OCA2: variants seen among roughly 807,000 people sequenced by gnomAD.
OCA2 encodes the protein OCA2 melanosomal transmembrane protein, also known as P protein.
Under a neutral mutation model 100.2 loss-of-function variants are expected in OCA2, and 77 were observed. The ratio of observed to expected loss-of-function variants is 0.77; its 90% confidence interval spans 0.64 to 0.93. The LOEUF (loss-of-function observed/expected upper bound fraction) is 0.93, where lower values mean the gene tolerates loss of function less well. OCA2 is among the 40% of genes least tolerant of loss of function. The pLI, the probability that OCA2 is intolerant of heterozygous loss-of-function variation, is 0.00. For missense variants in OCA2, 1,062 were observed against 1,089.1 expected, an observed-to-expected ratio of 0.98 and a Z score of 0.35; for synonymous variants, 432 against 439.2, an observed-to-expected ratio of 0.98 and a Z score of 0.21.
chr15:27,844,083 C>A (rs2035442578), intron 23 of OCA2, among the ~76,000 whole-genome samples: 1 of 152,194 alleles, frequency 6.6e-6, no homozygotes, highest in South Asian at 2.1e-4. Context: ...ATTCTGCCCC[C>A]TCACCTGTTT....
At chr15:27,890,606 G>A (rs2037414789) in intron 19 of OCA2, among the ~76,000 whole-genome samples, 1 of 152,144 alleles carries the variant, frequency 6.6e-6, no homozygotes, top group Non-Finnish European at 1.5e-5. Flanking sequence ...TCTATATCCA[G>A]TGAAACTATC....
chr15:27,747,691 C>T, the OCA2 span, among the ~76,000 whole-genome samples: 1 of 152,120 alleles, frequency 6.6e-6, no homozygotes, highest in South Asian at 2.1e-4. Context: ...TAACTCTCTC[C>T]AATTTGAAAT....
intron 19 of OCA2, among the ~76,000 whole-genome samples, chr15:27,905,163 C>A (rs376428243): frequency 3.1e-3 from 360 of 114,476 alleles, no homozygotes; most frequent in East Asian, 4.5e-3. Flanking sequence ...GACTCCACCT[C>A]AAAAAAAAAA....
chr15:27,748,822 TATG>T, the OCA2 span, among the ~76,000 whole-genome samples: 1 of 151,820 alleles, frequency 6.6e-6, no homozygotes, highest in Non-Finnish European at 1.5e-5. Context: ...CACTGAAAAA[TATG>T]ATAATGATAA....
At chr15:28,048,172 G>A (rs2043399421) in intron 2 of OCA2, among the ~76,000 whole-genome samples, 1 of 152,264 alleles carries the variant, frequency 6.6e-6, no homozygotes, top group South Asian at 2.1e-4. Context: ...AAGACTTAAT[G>A]TCATTAATAT....
chr15:27,726,170 C>T, the OCA2 span, among the ~76,000 whole-genome samples: 23 of 151,896 alleles, frequency 1.5e-4, no homozygotes, highest in South Asian at 1.5e-3. Context: ...TGGTGGCACA[C>T]GCCTGTAGTC....
At chr15:28,004,986 C>T (rs1421096183) in intron 9 of OCA2, among the ~76,000 whole-genome samples, 1 of 152,142 alleles carries the variant, frequency 6.6e-6, no homozygotes, top group African/African-American at 2.4e-5. Flanking sequence ...CAGATTTCTT[C>T]CTGTATATCA....
intron 19 of OCA2, among the ~76,000 whole-genome samples, chr15:27,887,644 CCAGTCTAGGGTATGTCTTTATCAG>C (rs1385035835): frequency 6.8e-6 from 1 of 146,024 alleles, no homozygotes; most frequent in East Asian, 2.1e-4. Context: ...TGTAAATTGC[CCAGTCTAGGGTATGTCTTTATCAG>C]CAGCATGAAA....
chr15:28,006,720 G>C (rs894850043), intron 9 of OCA2, among the ~76,000 whole-genome samples: 4 of 152,226 alleles, frequency 2.6e-5, no homozygotes, highest in Non-Finnish European at 5.9e-5. Flanking sequence ...TATGTTCCAT[G>C]AATCAGCAGT....
intron 22 of OCA2, among the ~76,000 whole-genome samples, chr15:27,850,545 A>T (rs1018197567): frequency 5.3e-5 from 8 of 152,116 alleles, no homozygotes; most frequent in African/African-American, 1.9e-4. Flanking sequence ...TCTCGGAAGA[A>T]CTTGAGGCAT....
chr15:27,818,357 C>CAGAGT (rs2034384123), intron 23 of OCA2, among the ~76,000 whole-genome samples: 2 of 152,036 alleles, frequency 1.3e-5, no homozygotes, highest in African/African-American at 4.8e-5. Context: ...CCACCGCACT[C>CAGAGT]CAGCCTGGGT....
At chr15:28,052,932 G>A (rs186870422) in intron 2 of OCA2, among the ~76,000 whole-genome samples, 98 of 152,270 alleles carry the variant, frequency 6.4e-4, no homozygotes, top group Non-Finnish European at 8.7e-4. Flanking sequence ...ATAACGCAAG[G>A]TGAAGACCGT....
intron 19 of OCA2, among the ~76,000 whole-genome samples, chr15:27,884,125 T>G (rs552702142): frequency 2.0e-5 from 3 of 152,218 alleles, no homozygotes; most frequent in Non-Finnish European, 4.4e-5. Flanking sequence ...CTCACACTTG[T>G]AATCCCAGCA....
In OCA2 at chr15:28,081,802, G is replaced by A. The variant is rs1426141034; in HGVS notation, c.73C>T (p.Pro25Ser). The change falls in exon 2 of 24, where the codon CCC becomes TCC. Residue 25 changes from proline (P) to serine (S), a missense_variant. Physicochemically the swap from Pro to Ser is moderately conservative, Grantham distance 74. Transcript: ENST00000354638. ...PAVELLQTSVPSGLAELVAGK... is the reference protein window; with the variant it reads ...PAVELLQTSVSSGLAELVAGK... Reference sequence around the variant, plus strand: ...GCCACAAGTTCAGCGAGTCCGCTGGGCACGGACGTCTGCAGGAGCTCCACC... The same window carrying A: ...GCCACAAGTTCAGCGAGTCCGCTGGACACGGACGTCTGCAGGAGCTCCACC... The A allele has an allele frequency of 3.1e-6, 5 of 1,612,646 alleles. No individual in the cohort carries two copies. Among genetic ancestry groups the A allele is most frequent in the Non-Finnish European group, 4.2e-6 (5 of 1,179,826 alleles).
intron 9 of OCA2, among the ~76,000 whole-genome samples, chr15:28,010,390 C>T (rs569942085): frequency 3.0e-4 from 45 of 152,244 alleles, no homozygotes; most frequent in Non-Finnish European, 5.9e-4. Context: ...AAATTAAAGA[C>T]ATACAGATTG....
intron 18 of OCA2, among the ~76,000 whole-genome samples, chr15:27,933,632 A>ACTTAACCCCTTT: frequency 6.6e-6 from 1 of 152,166 alleles, no homozygotes; most frequent in African/African-American, 2.4e-5. Flanking sequence ...GTTACAGTTA[A>ACTTAACCCCTTT]AGGGGGTTTT....
rs1172354235 is a variant in OCA2 at position 27,931,887 on chromosome 15, A to T, written c.1952-5633T>A. ...AAGACCACTGTCTCACAATATCAGG[A>T]AACACTCCTGTTCATCTGGTCCTCA... On this transcript the variant is annotated intron_variant, in intron 18 of 23. Transcript: ENST00000354638. Among the ~76,000 whole-genome samples the T allele has an allele frequency of 3.9e-5, 6 of 152,184 alleles. No homozygotes were observed. The East Asian group carries it at 1.2e-3, about 29-fold the overall frequency.
intron 23 of OCA2, among the ~76,000 whole-genome samples, chr15:27,832,819 T>C (rs528905585): frequency 6.8e-6 from 1 of 148,134 alleles, no homozygotes; most frequent in African/African-American, 2.5e-5. Flanking sequence ...TATGGCCGGA[T>C]TAAATATCTG....
At chr15:27,750,112 A>G (rs1242102473), downstream of OCA2, among the ~76,000 whole-genome samples, 1 of 152,196 alleles carries the variant, frequency 6.6e-6, no homozygotes, top group African/African-American at 2.4e-5. Flanking sequence ...AAAGCCACCT[A>G]GTGACTGCAC....
Sources: allele counts gnomAD v4.1 joint callset (sites outside exome capture counted in the v4.1 genomes callset), GRCh38; gene constraint gnomAD v4.1.1; transcripts MANE v1.5; gene names NCBI Gene and HGNC (gene_info 2026-07-23, HGNC 2026-07-21).